PLSCR1: variants seen among roughly 807,000 people sequenced by gnomAD.
The protein encoded by PLSCR1 is PL scramblase 1.
In PLSCR1, 17 loss-of-function variants were observed where a neutral mutation model predicts 37.8. The ratio of observed to expected loss-of-function variants is 0.45; its 90% CI spans 0.31 to 0.68. The LOEUF is 0.68. Among genes scored for constraint, PLSCR1 ranks in the 30% least tolerant of loss-of-function variants. PLSCR1 has a pLI of 0.06. For synonymous variants in PLSCR1, 116 were observed against 125.9 expected (o/e 0.92, Z 0.53); for missense variants, 347 against 380.9 (o/e 0.91, Z 0.74).
At chr3:146,518,725 T>C (rs966640376) in intron 7 of PLSCR1, among the ~76,000 whole-genome samples, 4 of 152,200 alleles carry the variant, frequency 2.6e-5, no homozygotes, top group Non-Finnish European at 4.4e-5. Flanking sequence ...AATACATTTT[T>C]TATGGCAAGG....
At chr3:146,518,170 C>T (rs2043971804) in intron 7 of PLSCR1, among the ~76,000 whole-genome samples, 1 of 152,178 alleles carries the variant, frequency 6.6e-6, no homozygotes, top group South Asian at 2.1e-4. Context: ...GGCCATGTTA[C>T]TTGTTTGAAC....
rs1291622114 is a variant in PLSCR1 at position 146,536,656 on chromosome 3, C to T, written c.-13-91G>A. 9 of 768,818 alleles carry T rather than the reference C, an allele frequency of 1.2e-5. No homozygotes were observed. In the Admixed American group the frequency reaches 1.4e-4, roughly 12 times the overall value. 47.6% of individuals were successfully genotyped at this position (768,818 alleles called of 1,614,324 possible). A position where few individuals can be genotyped will look rare whatever the true frequency, so the allele number is the denominator to read the frequency against. On this transcript the variant is annotated intron_variant, in intron 1 of 8. Transcript: ENST00000342435. Reference sequence around the variant, plus strand: ...TCGGGATACTCTAAAACTACACAGTCACATTCATAGGATATTCCTCTTTAT... The same window carrying T: ...TCGGGATACTCTAAAACTACACAGTTACATTCATAGGATATTCCTCTTTAT...
intron 3 of PLSCR1, among the ~76,000 whole-genome samples, chr3:146,531,130 C>T (rs1381398992): frequency 6.6e-6 from 1 of 152,124 alleles, no homozygotes; most frequent in Non-Finnish European, 1.5e-5. Context: ...GGAACAGCTG[C>T]CTTGAGGGGT....
rs1560081195 is a variant in PLSCR1 at position 146,521,971 on chromosome 3, A to G, written c.438T>C (p.Thr146=). The change falls in exon 6 of 9, where the codon ACT becomes ACC. Residue 146 remains threonine (T), a synonymous_variant. Transcript: ENST00000342435. Reference sequence around the variant, plus strand: ...CACAGCAATTTCGGGTACAGCAATCAGTATCTTCCGCTGCAAAGTAAACCC... The same window carrying G: ...CACAGCAATTTCGGGTACAGCAATCGGTATCTTCCGCTGCAAAGTAAACCC... ...GQRVYFAAED[T]DCCTRNCCGP... is the part of the protein sequence containing the mutation. 1 of 1,612,886 alleles carries G rather than the reference A, an allele frequency of 6.2e-7. No homozygotes were observed. The highest frequency in any genetic ancestry group is 8.5e-7 in the Non-Finnish European group (1 of 1,178,842).
intron 8 of PLSCR1, chr3:146,516,651 A>G (rs2043950838): frequency 5.5e-6 from 1 of 183,348 alleles, no homozygotes; most frequent in South Asian, 1.3e-4. Flanking sequence ...ACTATGAGTC[A>G]TGGTAAAGTT....
intron 7 of PLSCR1, among the ~76,000 whole-genome samples, chr3:146,521,174 A>T (rs978700008): frequency 6.6e-6 from 1 of 152,190 alleles, no homozygotes; most frequent in Non-Finnish European, 1.5e-5. Flanking sequence ...TTGGCAGATG[A>T]TATTTCAGAT....
intron 4 of PLSCR1, among the ~76,000 whole-genome samples, chr3:146,526,499 G>GT (rs1021948736): frequency 9.9e-5 from 15 of 151,672 alleles, no homozygotes; most frequent in African/African-American, 2.7e-4. Context: ...TCCCACTACT[G>GT]TTTTTTTTGA....
Position 146,522,045 on chromosome 3 carries a change from C to A in PLSCR1, c.364G>T (p.Gly122Cys). The A allele has an allele frequency of 1.3e-6, 2 of 1,553,360 alleles. No homozygotes were observed. The highest frequency in any genetic ancestry group is 1.8e-6 in the Non-Finnish European group (2 of 1,124,560). ...TCATATTTGTTATTAGTTTCAAAACCTGTTAAAACTAAAAACATAAAAGAC... is the reference window on the plus strand; with the variant it reads ...TCATATTTGTTATTAGTTTCAAAACATGTTAAAACTAAAAACATAAAAGAC... ...QQIELLEVLT[G>C]FETNNKYEIK... Residue 122 changes from glycine to cysteine, a missense_variant, in exon 6 of 9, where the codon GGT becomes TGT. Physicochemically the swap from Gly to Cys is radical, Grantham distance 159. Transcript: ENST00000342435.
intron 4 of PLSCR1, chr3:146,527,977 A>C (rs1335568800): frequency 4.6e-5 from 7 of 152,214 alleles, no homozygotes; most frequent in African/African-American, 1.7e-4. Context: ...GCATTTATAA[A>C]ATTAGGTCTT....
Position 146,525,619 on chromosome 3 carries a change from ATTT to A in PLSCR1, c.338_340del (p.Gln113_Ile114delinsLeu). ...TGAATACATACCTTCCAGAAGTTCA[ATTT>A]GCTGATGAATCAGTATCTGATCTAT... is the stretch of plus-strand genomic sequence containing the variant. On this transcript the variant is annotated inframe_deletion, in exon 5 of 9. Transcript: ENST00000342435. 6.6e-7 allele frequency: 1 copy of A among 1,515,796 alleles called. No individual in the cohort carries two copies. The highest frequency in any genetic ancestry group is 1.1e-5 in the South Asian group (1 of 88,024). 93.9% of individuals were successfully genotyped at this position (1,515,796 alleles called of 1,614,324 possible).
At chr3:146,516,843 A>G in intron 8 of PLSCR1, 163 bp downstream of exon 8, 1 of 542,950 alleles carries the variant, frequency 1.8e-6, no homozygotes, top group Non-Finnish European at 3.2e-6. Flanking sequence ...GTGACCCCAG[A>G]GTGTCAGGAT....
At chr3:146,544,232 T>C (rs2044375053) in intron 1 of PLSCR1, among the ~76,000 whole-genome samples, 2 of 152,182 alleles carry the variant, frequency 1.3e-5, no homozygotes, top group Admixed American at 6.5e-5. Flanking sequence ...CTGGGGCCCC[T>C]TGCCGTGTAC....
At chr3:146,532,684 T>C (rs1355896107) in intron 3 of PLSCR1, among the ~76,000 whole-genome samples, 1 of 152,236 alleles carries the variant, frequency 6.6e-6, no homozygotes, top group Non-Finnish European at 1.5e-5. Flanking sequence ...ACATTCCCTT[T>C]GGTCCTAAAT....
intron 7 of PLSCR1, among the ~76,000 whole-genome samples, chr3:146,519,701 T>C (rs2043993224): frequency 6.6e-6 from 1 of 152,148 alleles, no homozygotes; most frequent in Non-Finnish European, 1.5e-5. Flanking sequence ...AGCTCATTGA[T>C]TATATTTTGC....
intron 1 of PLSCR1, chr3:146,538,169 A>G (rs2044291032): frequency 6.6e-6 from 1 of 152,198 alleles, no homozygotes; most frequent in African/African-American, 2.4e-5. Flanking sequence ...GAAAGGTAGA[A>G]ATATTAAAAT....
Position 146,515,975 on chromosome 3 carries a change from A to T in PLSCR1, c.*70T>A. ...ACAGGCCTTACAGCTTAATTCATAC[A>T]GGTATGAGTTTAGATAGTCTCAATC... is the stretch of plus-strand genomic sequence containing the variant. On this transcript the variant is annotated 3_prime_UTR_variant, in exon 9 of 9. Transcript: ENST00000342435. 1 of 917,774 alleles carries T rather than the reference A, an allele frequency of 1.1e-6. No homozygotes were observed. The highest frequency in any genetic ancestry group is 1.8e-6 in the Non-Finnish European group (1 of 569,354). The allele number at this position is 917,774 out of a possible 1,614,324, so 56.9% of individuals were successfully genotyped here.
intron 1 of PLSCR1, among the ~76,000 whole-genome samples, chr3:146,537,807 G>A (rs2738921): frequency 2.6e-5 from 4 of 151,870 alleles, no homozygotes. Flanking sequence ...AATATTGACG[G>A]TCTAATGAAG....
Position 146,525,665 on chromosome 3 carries a change from A to T in PLSCR1, c.313-18T>A. On this transcript the variant is annotated intron_variant, in intron 4 of 8. Transcript: ENST00000342435. Reference sequence around the variant, plus strand: ...TGATCTATCTATAGCAGGAAAAAAAATAAGTGGTATGTATATGTCAAATGA... The same window carrying T: ...TGATCTATCTATAGCAGGAAAAAAATTAAGTGGTATGTATATGTCAAATGA... 7.5e-7 allele frequency: 1 copy of T among 1,336,398 alleles called. No homozygotes were observed. The highest frequency in any genetic ancestry group is 1.8e-4 in the Middle Eastern group (1 of 5,482). 82.8% of individuals were successfully genotyped at this position (1,336,398 alleles called of 1,614,324 possible).
At chr3:146,521,263 T>G (rs55985056) in intron 7 of PLSCR1, among the ~76,000 whole-genome samples, 1 of 152,176 alleles carries the variant, frequency 6.6e-6, no homozygotes, top group Non-Finnish European at 1.5e-5. Flanking sequence ...TAATATACAG[T>G]GTCATCACAT....
Sources: allele counts gnomAD v4.1 joint callset (sites outside exome capture counted in the v4.1 genomes callset), GRCh38; gene constraint gnomAD v4.1.1; transcripts MANE v1.5; gene names NCBI Gene and HGNC (gene_info 2026-07-23, HGNC 2026-07-21).